Variants in TBC1D5 observed in about 807,000 individuals in gnomAD.
TBC1D5 encodes TBC1 domain family, member 5.
Under a neutral mutation model 100.3 loss-of-function variants are expected in TBC1D5, and 75 were observed. The observed-to-expected ratio is 0.75, with a 90% CI of 0.62 to 0.91. The LOEUF (loss-of-function observed/expected upper bound fraction) is 0.91. TBC1D5 is among the 40% of genes least tolerant of loss of function. The probability of loss-of-function intolerance (pLI) is 0.00; values close to 1 mark genes in which losing one functional copy is unlikely to be tolerated. For synonymous variants in TBC1D5, 323 were observed against 325.6 expected (o/e 0.99, Z 0.09); for missense variants, 910 against 942.4 (o/e 0.97, Z 0.45).
chr3:17,653,432 T>C (rs2153724278), intron 1 of TBC1D5, among the ~76,000 whole-genome samples: 1 of 152,184 alleles, frequency 6.6e-6, no homozygotes, highest in South Asian at 2.1e-4. Context: ...CTCAATAATG[T>C]ATAACCTCAG....
chr3:17,182,103 T>C (rs1287653810), intron 19 of TBC1D5, among the ~76,000 whole-genome samples: 1 of 152,234 alleles, frequency 6.6e-6, no homozygotes, highest in Non-Finnish European at 1.5e-5. Flanking sequence ...CGTGTTTTCC[T>C]TGAATCTTTG....
intron 15 of TBC1D5, among the ~76,000 whole-genome samples, chr3:17,275,878 G>C (rs1180194438): frequency 6.6e-6 from 1 of 152,116 alleles, no homozygotes; most frequent in Non-Finnish European, 1.5e-5. Flanking sequence ...CACTAAACAT[G>C]CCTTCCCATC....
At chr3:17,404,741 C>T in exon 7 of TBC1D5, 2 of 1,607,632 alleles carry the variant, frequency 1.2e-6, no homozygotes, top group Non-Finnish European at 1.7e-6. Flanking sequence ...TCTTGTTGGC[C>T]AACAACCTTC....
At chr3:17,614,908 T>A (rs946384456) in intron 2 of TBC1D5, among the ~76,000 whole-genome samples, 2 of 152,224 alleles carry the variant, frequency 1.3e-5, no homozygotes, top group Non-Finnish European at 2.9e-5. Flanking sequence ...TGGCCAGAAT[T>A]TCCAACACTA....
intron 15 of TBC1D5, among the ~76,000 whole-genome samples, chr3:17,275,946 A>C (rs918249472): frequency 5.3e-5 from 8 of 152,178 alleles, no homozygotes; most frequent in Admixed American, 4.6e-4. Flanking sequence ...TGGGTTTTCC[A>C]CATAGGTGTA....
At chr3:17,480,551 A>T (rs1421734222) in intron 3 of TBC1D5, among the ~76,000 whole-genome samples, 1 of 152,190 alleles carries the variant, frequency 6.6e-6, no homozygotes, top group Non-Finnish European at 1.5e-5. Flanking sequence ...GGTCTCCTCA[A>T]TTCATGGTGA....
chr3:17,706,292 G>GT (rs1276762464), intron 1 of TBC1D5: 20 of 1,535,896 alleles, frequency 1.3e-5, no homozygotes, highest in Middle Eastern at 4.6e-4. Flanking sequence ...GAACTAGAGG[G>GT]TCTCACCTTT....
At chr3:17,653,320 AAAAT>A (rs1435177421) in intron 1 of TBC1D5, among the ~76,000 whole-genome samples, 3 of 152,168 alleles carry the variant, frequency 2.0e-5, no homozygotes, top group Admixed American at 2.0e-4. Context: ...CTTAAAAAAT[AAAAT>A]AAATAATAAT....
Position 17,296,199 on chromosome 3 carries a change from G to C in TBC1D5, c.1139-4198C>G, listed in dbSNP as rs572585035. 3.9e-5 allele frequency among the ~76,000 whole-genome samples: 6 copies of C among 152,300 alleles called. No individual in the cohort carries two copies. The East Asian group carries it at 1.2e-3, about 29-fold the overall frequency. On this transcript the variant is annotated intron_variant, in intron 14 of 21. Transcript: ENST00000253692. The stretch of plus-strand genomic sequence containing the variant: ...ATAAAAACAAATAATCATGGATTAA[G>C]TATAAAATAAAATGAGCTAACAAAA...
chr3:17,225,884 A>G (rs568387962), intron 17 of TBC1D5, among the ~76,000 whole-genome samples: 1 of 152,214 alleles, frequency 6.6e-6, no homozygotes, highest in African/African-American at 2.4e-5. Context: ...TAGCATTTAC[A>G]TCGTATTTGG....
chr3:17,238,087 T>A (rs1258219966), intron 17 of TBC1D5, 76 bp downstream of exon 17: 1 of 1,525,282 alleles, frequency 6.6e-7, no homozygotes, highest in Non-Finnish European at 8.8e-7. Flanking sequence ...AGGAGATTGG[T>A]TCCTCACAGG....
chr3:17,530,334 A>G (rs1366374164), intron 2 of TBC1D5, among the ~76,000 whole-genome samples: 3 of 152,078 alleles, frequency 2.0e-5, no homozygotes, highest in Non-Finnish European at 4.4e-5. Flanking sequence ...TAGATTGAAA[A>G]TATCGATGGG....
chr3:17,382,041 G>C (rs1166302006), intron 9 of TBC1D5, among the ~76,000 whole-genome samples: 5 of 151,906 alleles, frequency 3.3e-5, no homozygotes, highest in Non-Finnish European at 7.4e-5. Context: ...AACCTTTATA[G>C]AAGTTTTAAT....
intron 1 of TBC1D5, among the ~76,000 whole-genome samples, chr3:17,730,065 T>C (rs1298069217): frequency 2.6e-5 from 4 of 151,282 alleles, no homozygotes; most frequent in African/African-American, 9.7e-5. Flanking sequence ...GAGCCAAGAA[T>C]GCACCACTGC....
chr3:17,537,269 T>C (rs1200095210), intron 2 of TBC1D5, among the ~76,000 whole-genome samples: 1 of 152,244 alleles, frequency 6.6e-6, no homozygotes, highest in African/African-American at 2.4e-5. Context: ...TGTTACTGTT[T>C]GTAGGATGTG....
chr3:17,345,848 C>G (rs991527932), intron 13 of TBC1D5, among the ~76,000 whole-genome samples: 1 of 151,868 alleles, frequency 6.6e-6, no homozygotes, highest in African/African-American at 2.4e-5. Context: ...CATATTCTCA[C>G]TCATAGATGG....
exon 22 of TBC1D5, chr3:17,160,744 G>C: frequency 7.0e-6 from 4 of 569,720 alleles, no homozygotes; most frequent in Non-Finnish European, 1.2e-5. Context: ...TTAGGTAAGG[G>C]CCCAGAAAGC....
At chr3:17,260,283 C>T (rs1015076112) in intron 15 of TBC1D5, among the ~76,000 whole-genome samples, 1 of 152,168 alleles carries the variant, frequency 6.6e-6, no homozygotes. Context: ...CAACAAACTA[C>T]TAAAGGATTA....
chr3:17,722,235 C>T (rs1035708778), intron 1 of TBC1D5, among the ~76,000 whole-genome samples: 1 of 152,236 alleles, frequency 6.6e-6, no homozygotes, highest in Non-Finnish European at 1.5e-5. Context: ...TTAATTAACG[C>T]TTCTATTTTA....
Sources: allele counts gnomAD v4.1 joint callset (sites outside exome capture counted in the v4.1 genomes callset), GRCh38; gene constraint gnomAD v4.1.1; transcripts MANE v1.5; gene names NCBI Gene and HGNC (gene_info 2026-07-23, HGNC 2026-07-21).